Variants in INO80 observed in about 807,000 individuals in gnomAD.
INO80 encodes the protein INO80 complex ATPase subunit.
In INO80, 20 loss-of-function variants were observed where a neutral mutation model predicts 203.4. The ratio of observed to expected loss-of-function variants is 0.10; its 90% CI spans 0.07 to 0.14. The LOEUF (loss-of-function observed/expected upper bound fraction) is 0.14, where lower values mean the gene tolerates loss of function less well. INO80 is among the 10% of genes least tolerant of loss of function. The pLI is 1.00. For missense variants in INO80, 1,419 were observed against 1,914.4 expected (o/e 0.74, Z 4.83); for synonymous variants, 726 against 685.2 (o/e 1.06, Z -0.93).
At chr15:41,044,390 A>T (rs1413438683) in intron 24 of INO80, among the ~76,000 whole-genome samples, 3 of 152,252 alleles carry the variant, frequency 2.0e-5, no homozygotes, top group Non-Finnish European at 4.4e-5. Context: ...GCTATATATG[A>T]CATGGACAAA....
At chr15:41,031,599 GAGGGAGGAAGGGAGGAGGGAGGA>G (rs2044471965) in intron 24 of INO80, among the ~76,000 whole-genome samples, 6 of 1,256 alleles carry the variant, frequency 4.8e-3, no homozygotes, top group Non-Finnish European at 0.037. Flanking sequence ...GGGAGGGAGG[GAGGGAGGAAGGGAGGAGGGAGGA>G]AGGGAGGAAG....
intron 35 of INO80, among the ~76,000 whole-genome samples, chr15:40,982,408 CAA>C (rs1473814615): frequency 6.6e-6 from 1 of 152,180 alleles, no homozygotes; most frequent in Non-Finnish European, 1.5e-5. Flanking sequence ...CTCAGTCTCC[CAA>C]AGTGTTGGGA....
At chr15:41,040,932 T>A (rs1168519967) in intron 24 of INO80, among the ~76,000 whole-genome samples, 1 of 152,104 alleles carries the variant, frequency 6.6e-6, no homozygotes, top group African/African-American at 2.4e-5. Context: ...AAACATTTCA[T>A]AAAGGCAATT....
intron 11 of INO80, among the ~76,000 whole-genome samples, chr15:41,072,739 TG>T (rs1410819393): frequency 6.6e-6 from 1 of 150,544 alleles, no homozygotes; most frequent in Non-Finnish European, 1.5e-5. Context: ...AGCAGTTTTT[TG>T]AAACCATGAT....
chr15:41,053,909 A>G lies in INO80; in HGVS notation c.2274+20T>C. ...TTGGTGCCTATTGAGGCTTAAACAC[A>G]TGAGGTCTTCTTTACTTACCTTGTC... On this transcript the variant is annotated intron_variant, in intron 19 of 35. Coordinates refer to ENST00000648947, the MANE Select transcript of INO80 (RefSeq NM_017553.3). 1 of 1,593,234 alleles carries G rather than the reference A, an allele frequency of 6.3e-7. No homozygotes were observed. The highest frequency in any genetic ancestry group is 8.6e-7 in the Non-Finnish European group (1 of 1,161,450).
chr15:41,073,152 A>G (rs1010883214), intron 11 of INO80, among the ~76,000 whole-genome samples: 26 of 152,186 alleles, frequency 1.7e-4, no homozygotes, highest in African/African-American at 5.3e-4. Context: ...AGAGAAAGAA[A>G]AAAAAATACA....
chr15:41,044,865 G>T, intron 24 of INO80, 39 bp downstream of exon 24: 5 of 1,538,534 alleles, frequency 3.2e-6, no homozygotes, highest in Non-Finnish European at 4.4e-6. Context: ...AAGGAAAGAA[G>T]ATACTAAGTA....
At chr15:41,038,454 T>A (rs1301553949) in intron 24 of INO80, among the ~76,000 whole-genome samples, 1 of 152,194 alleles carries the variant, frequency 6.6e-6, no homozygotes, top group Non-Finnish European at 1.5e-5. Flanking sequence ...AACCAGGATC[T>A]TTCTCCCTAA....
intron 16 of INO80, among the ~76,000 whole-genome samples, chr15:41,058,174 C>T (rs751548773): frequency 1.4e-4 from 22 of 152,262 alleles, no homozygotes; most frequent in Non-Finnish European, 2.8e-4. Flanking sequence ...GCAGAGACTC[C>T]TTCCTCTATA....
At chr15:40,999,518 G>C (rs1269907499) in intron 28 of INO80, 2 of 152,212 alleles carry the variant, frequency 1.3e-5, no homozygotes, top group African/African-American at 4.8e-5. Context: ...ATGGATAACA[G>C]ACCACGGGTG....
intron 5 of INO80, among the ~76,000 whole-genome samples, chr15:41,088,274 G>A (rs1446435561): frequency 6.6e-6 from 1 of 151,620 alleles, no homozygotes; most frequent in Non-Finnish European, 1.5e-5. Flanking sequence ...ATTTTTAGTA[G>A]ACACGAGGTT....
chr15:41,067,580 C>CCTTATACAGTTTCTA (rs1241776685), intron 14 of INO80, among the ~76,000 whole-genome samples: 7 of 152,148 alleles, frequency 4.6e-5, no homozygotes, highest in African/African-American at 1.4e-4. Context: ...TCCTAACACT[C>CCTTATACAGTTTCTA]CTTATACAGT....
intron 34 of INO80, chr15:40,983,346 T>C (rs957232934): frequency 7.9e-5 from 37 of 469,212 alleles, no homozygotes; most frequent in African/African-American, 3.7e-4. Flanking sequence ...CTCTTTAAAT[T>C]TGTCCATTAC....
intron 25 of INO80, among the ~76,000 whole-genome samples, chr15:41,024,130 C>T (rs541374357): frequency 6.6e-6 from 1 of 152,046 alleles, no homozygotes; most frequent in Non-Finnish European, 1.5e-5. Flanking sequence ...GATACCCTTC[C>T]AGGTCTAGGA....
intron 1 of INO80, among the ~76,000 whole-genome samples, chr15:41,099,270 A>AAC (rs376598717): frequency 0.19 from 23,628 of 124,202 alleles, 3,035 homozygotes; most frequent in Non-Finnish European, 0.28. Context: ...AAAAAAAACA[A>AAC]ACACACACAC....
intron 7 of INO80, among the ~76,000 whole-genome samples, chr15:41,083,712 CA>C (rs10706037): frequency 0.31 from 26,106 of 85,568 alleles, 1,746 homozygotes; most frequent in Non-Finnish European, 0.37. Context: ...GACTCCGTCT[CA>C]AAAAAAAAAA....
At chr15:41,047,316 A>G (rs1487697288) in intron 23 of INO80, 92 bp downstream of exon 23, 3 of 804,700 alleles carry the variant, frequency 3.7e-6, no homozygotes, top group African/African-American at 1.8e-5. Flanking sequence ...CTCTAAGATG[A>G]TATCATATTA....
At chr15:41,108,999 G>C (rs1209588769) in intron 1 of INO80, 1 of 162,302 alleles carries the variant, frequency 6.2e-6, no homozygotes, top group Admixed American at 6.1e-5. Flanking sequence ...CAGGCTGTTG[G>C]ATTCACTTAC....
At chr15:41,083,464 G>GGA (rs1566942631) in intron 7 of INO80, among the ~76,000 whole-genome samples, 1 of 152,012 alleles carries the variant, frequency 6.6e-6, no homozygotes, top group Non-Finnish European at 1.5e-5. Flanking sequence ...CCAGCACTTT[G>GGA]GAAAGCTGAG....
Sources: gnomAD v4.1 joint callset for allele counts (sites outside exome capture counted in the v4.1 genomes callset) on GRCh38, gnomAD v4.1.1 for gene constraint, MANE v1.5 for transcripts, NCBI Gene and HGNC (gene_info 2026-07-23, HGNC 2026-07-21) for gene names.